Variants in RPL22 observed in about 807,000 individuals in gnomAD.
RPL22 encodes ribosomal protein L22.
Under a neutral mutation model 16.2 loss-of-function variants are expected in RPL22, and 4 were observed. The ratio of observed to expected loss-of-function variants is 0.25; its 90% CI spans 0.12 to 0.57. The LOEUF (loss-of-function observed/expected upper bound fraction) is 0.57. RPL22 is among the 20% of genes least tolerant of loss of function. The pLI, the probability that RPL22 is intolerant of heterozygous loss-of-function variation, is 0.92. For synonymous variants in RPL22, 43 were observed against 54.8 expected, an observed-to-expected ratio of 0.78 and a Z score of 0.95; for missense variants, 83 against 156.1, an observed-to-expected ratio of 0.53 and a Z score of 2.49.
In RPL22 at chr1:6,199,577, G is replaced by C; in HGVS notation, c.-4C>G. The C allele has an allele frequency of 6.4e-7, 1 of 1,568,568 alleles. No homozygotes were observed. The highest frequency in any genetic ancestry group is 8.6e-7 in the Non-Finnish European group (1 of 1,156,916). ...CCATACTAACCACAGGAGCCATGGC[G>C]GCAGCGGAGTTAGAAAGGGAGGTGA... On this transcript the variant is annotated 5_prime_UTR_variant, in exon 1 of 4. Transcript: ENST00000234875.
chr1:6,197,371 A>G (rs974728312), intron 2 of RPL22, among the ~76,000 whole-genome samples: 4 of 152,198 alleles, frequency 2.6e-5, no homozygotes, highest in Non-Finnish European at 5.9e-5. Flanking sequence ...TGTGGAAACT[A>G]AAGGAGAAAA....
intron 1 of RPL22, 42 bp downstream of exon 1, chr1:6,199,520 T>G (rs772005076): frequency 6.4e-7 from 1 of 1,551,396 alleles, no homozygotes; most frequent in Non-Finnish European, 8.7e-7. Context: ...GAGGCCCACG[T>G]GCCTCCCCTG....
intron 2 of RPL22, among the ~76,000 whole-genome samples, chr1:6,197,131 G>C (rs535427308): frequency 2.0e-5 from 3 of 152,206 alleles, no homozygotes; most frequent in African/African-American, 4.8e-5. Context: ...CCGTGTTCAC[G>C]CGATTCTTCT....
In RPL22 at chr1:6,185,988, G is replaced by A. The variant is rs1667577572; in HGVS notation, c.*684C>T. On this transcript the variant is annotated 3_prime_UTR_variant, in exon 4 of 4. Transcript: ENST00000234875. ...TATTCCTACAGCTCCCTCTGCTGGAGACGAAAGTGACAGTTTGTTGCAAAG... is the reference window on the plus strand; with the variant it reads ...TATTCCTACAGCTCCCTCTGCTGGAAACGAAAGTGACAGTTTGTTGCAAAG... The A allele has an allele frequency of 4.3e-6, 1 of 230,468 alleles. No individual in the cohort carries two copies. Among genetic ancestry groups the A allele is most frequent in the Non-Finnish European group, 8.6e-6 (1 of 116,304 alleles). The allele number at this position is 230,468 out of a possible 1,614,324, so 14.3% of individuals were successfully genotyped here. A position where few individuals can be genotyped will look rare whatever the true frequency, so the allele number is the denominator to read the frequency against.
Position 6,185,902 on chromosome 1 carries a change from G to A in RPL22, c.*770C>T, listed in dbSNP as rs1180471659. ...GTCCCCTCTTTCAAGAACCTCCAGA[G>A]CTCTTGGCATCAGGGGCCCCCATTG... On this transcript the variant is annotated 3_prime_UTR_variant, in exon 4 of 4. Coordinates refer to ENST00000234875, the MANE Select transcript of RPL22 (RefSeq NM_000983.4). The A allele has an allele frequency of 1.3e-5, 3 of 230,604 alleles. No individual in the cohort carries two copies. The highest frequency in any genetic ancestry group is 2.6e-5 in the Non-Finnish European group (3 of 116,470). The allele number at this position is 230,604 out of a possible 1,614,324, so 14.3% of individuals were successfully genotyped here.
chr1:6,192,091 C>T (rs1423174034), intron 3 of RPL22, among the ~76,000 whole-genome samples: 1 of 151,896 alleles, frequency 6.6e-6, no homozygotes, highest in Non-Finnish European at 1.5e-5. Context: ...ACTGTGTCAC[C>T]CAGGCTGGCC....
At chr1:6,195,131 C>T (rs1432754689) in intron 2 of RPL22, among the ~76,000 whole-genome samples, 2 of 149,638 alleles carry the variant, frequency 1.3e-5, no homozygotes, top group Non-Finnish European at 1.5e-5. Flanking sequence ...AGCAAGACTC[C>T]GTCTCAAAAT....
At position 6,185,337 on chromosome 1, in the gene RPL22, G is replaced by A; in HGVS notation, c.*1335C>T. ...AGCAACTGATGCCTCAGTGAAGTTT[G>A]AAAGAAACTCTGCTTTCTGTGACGG... On this transcript the variant is annotated 3_prime_UTR_variant, in exon 4 of 4. Coordinates refer to ENST00000234875, the MANE Select transcript of RPL22 (RefSeq NM_000983.4). The A allele has an allele frequency of 2.5e-6, 1 of 399,074 alleles. No individual in the cohort carries two copies. The allele number at this position is 399,074 out of a possible 1,614,324, so 24.7% of individuals were successfully genotyped here.
rs1401345208 is a variant in RPL22, at chr1:6,185,835, A to G, written c.*837T>C. The G allele has an allele frequency of 4.3e-6, 1 of 230,892 alleles. No individual in the cohort carries two copies. The allele number at this position is 230,892 out of a possible 1,614,324, so 14.3% of individuals were successfully genotyped here. A position where few individuals can be genotyped will look rare whatever the true frequency, so the allele number is the denominator to read the frequency against. ...GGCAGCTATTTCCAGGGCACCTCCC[A>G]CCTCCTTGGCATGGGAGGCTTCCCA... On this transcript the variant is annotated 3_prime_UTR_variant, in exon 4 of 4. Transcript: ENST00000234875.
intron 1 of RPL22, chr1:6,198,020 T>A: frequency 2.1e-6 from 1 of 482,136 alleles, no homozygotes; most frequent in East Asian, 3.3e-5. Flanking sequence ...TCACTCAAAC[T>A]TTCCAGTCTC....
chr1:6,189,920 T>C (rs1309781939), intron 3 of RPL22, among the ~76,000 whole-genome samples: 2 of 152,144 alleles, frequency 1.3e-5, no homozygotes, highest in East Asian at 1.9e-4. Flanking sequence ...AAACTCGTTT[T>C]CAAAAATATA....
At position 6,185,617 on chromosome 1, in the gene RPL22, A is replaced by G. The variant is rs1398408151; in HGVS notation, c.*1055T>C. 9 of 369,294 alleles carry G rather than the reference A, an allele frequency of 2.4e-5. No homozygotes were observed. The highest frequency in any genetic ancestry group is 2.3e-4 in the East Asian group (6 of 26,072). 22.9% of individuals were successfully genotyped at this position (369,294 alleles called of 1,614,324 possible). ...TAAAAACATGAATTTTAGACACCGT[A>G]AATTCTAATGCAGACACTTTTGCAT... On this transcript the variant is annotated 3_prime_UTR_variant, in exon 4 of 4. Coordinates refer to ENST00000234875, the MANE Select transcript of RPL22 (RefSeq NM_000983.4).
chr1:6,185,180 C>CT lies in RPL22; in HGVS notation c.*1491dup, dbSNP rs1667568512. ...TTTTTTCTTTTAACTGAAATGCCAA[C>CT]TTCAGCCCAGGGTTTTTTCACAACC... On this transcript the variant is annotated 3_prime_UTR_variant, in exon 4 of 4. Coordinates refer to ENST00000234875, the MANE Select transcript of RPL22 (RefSeq NM_000983.4). The CT allele has an allele frequency of 2.5e-6, 1 of 396,584 alleles. No homozygotes were observed. The allele number at this position is 396,584 out of a possible 1,614,324, so 24.6% of individuals were successfully genotyped here. A position where few individuals can be genotyped will look rare whatever the true frequency, so the allele number is the denominator to read the frequency against.
chr1:6,196,049 G>A (rs1369695240), intron 2 of RPL22, among the ~76,000 whole-genome samples: 1 of 152,134 alleles, frequency 6.6e-6, no homozygotes, highest in Non-Finnish European at 1.5e-5. Context: ...GGCAACAAGA[G>A]CAAAACTTGG....
Position 6,186,236 on chromosome 1 carries a change from T to C in RPL22, c.*436A>G, listed in dbSNP as rs1331458242. 8 of 240,098 alleles carry C rather than the reference T, an allele frequency of 3.3e-5. No homozygotes were observed. The highest frequency in any genetic ancestry group is 5.7e-5 in the Non-Finnish European group (7 of 122,934). 14.9% of individuals were successfully genotyped at this position (240,098 alleles called of 1,614,324 possible). A position where few individuals can be genotyped will look rare whatever the true frequency, so the allele number is the denominator to read the frequency against. On this transcript the variant is annotated 3_prime_UTR_variant, in exon 4 of 4. Transcript: ENST00000234875. ...AGACGAATGGCCCAGAAACCCGCAT[T>C]TTATTGACAGTCATTTTCCCACAGA...
At chr1:6,196,748 CA>C (rs1216379182) in intron 2 of RPL22, among the ~76,000 whole-genome samples, 2 of 150,490 alleles carry the variant, frequency 1.3e-5, no homozygotes, top group East Asian at 3.9e-4. Flanking sequence ...GGGCCAAATA[CA>C]GGGGCAAAAA....
chr1:6,187,562 C>A (rs1410889385), intron 3 of RPL22, among the ~76,000 whole-genome samples: 1 of 139,744 alleles, frequency 7.2e-6, no homozygotes, highest in African/African-American at 2.8e-5. Context: ...TGCAGTGAGC[C>A]GAGATGGCGC....
chr1:6,198,563 C>A (rs2100908824), intron 1 of RPL22: 1 of 152,360 alleles, frequency 6.6e-6, no homozygotes, highest in Middle Eastern at 3.4e-3. Flanking sequence ...TTTAAAAGCT[C>A]TGCAGAACTA....
chr1:6,185,126 A>T lies in RPL22; in HGVS notation c.*1546T>A. ...AAAACCAGTGAGTTTCAATTTTATT[A>T]CAAGTTTTCAAATCTGGGACTAGTT... On this transcript the variant is annotated 3_prime_UTR_variant, in exon 4 of 4. Coordinates refer to ENST00000234875, the MANE Select transcript of RPL22 (RefSeq NM_000983.4). The T allele has an allele frequency of 1.0e-5, 4 of 391,636 alleles. No individual in the cohort carries two copies. Among genetic ancestry groups the T allele is most frequent in the Non-Finnish European group, 1.8e-5 (4 of 222,294 alleles). 24.3% of individuals were successfully genotyped at this position (391,636 alleles called of 1,614,324 possible).
Sources: gnomAD v4.1 joint callset for allele counts (sites outside exome capture counted in the v4.1 genomes callset) on GRCh38, gnomAD v4.1.1 for gene constraint, MANE v1.5 for transcripts, NCBI Gene and HGNC (gene_info 2026-07-23, HGNC 2026-07-21) for gene names.